PGGT1B: variants seen among roughly 807,000 people sequenced by gnomAD.
PGGT1B encodes the protein protein geranylgeranyltransferase type I subunit beta.
PGGT1B carries 30 observed loss-of-function variants against 46.1 expected under a neutral mutation model. That is an observed-to-expected ratio of 0.65 (90% CI 0.49 to 0.88). The LOEUF (loss-of-function observed/expected upper bound fraction) is 0.88. Among genes scored for constraint, PGGT1B ranks in the 40% least tolerant of loss-of-function variants. The pLI is 0.00. For synonymous variants in PGGT1B, 170 were observed against 160.0 expected, an observed-to-expected ratio of 1.06 and a Z score of -0.47; for missense variants, 376 against 455.9, an observed-to-expected ratio of 0.82 and a Z score of 1.60.
At chr5:115,229,352 T>C (rs1187260846) in intron 6 of PGGT1B, among the ~76,000 whole-genome samples, 1 of 152,046 alleles carries the variant, frequency 6.6e-6, no homozygotes, top group Non-Finnish European at 1.5e-5. Flanking sequence ...ACTGTGACAC[T>C]ATGATTAAAA....
chr5:115,252,369 T>C (rs1748139286), intron 2 of PGGT1B, among the ~76,000 whole-genome samples: 1 of 151,982 alleles, frequency 6.6e-6, no homozygotes, highest in Non-Finnish European at 1.5e-5. Context: ...TCTTTCTAAG[T>C]AAAGTTTTAG....
At position 115,227,907 on chromosome 5, in the gene PGGT1B, T is replaced by G. The variant is rs192666515; in HGVS notation, c.658+3069A>C. ...AATAAATACATTATTTTCCTCTTAG[T>G]CTGTAGATCAGGGATTATAAGTTGC... On this transcript the variant is annotated intron_variant, in intron 6 of 8. Coordinates refer to ENST00000419445, the MANE Select transcript of PGGT1B (RefSeq NM_005023.4). 2.0e-5 allele frequency among the ~76,000 whole-genome samples: 3 copies of G among 152,272 alleles called. No homozygotes were observed. The East Asian group carries it at 5.8e-4, about 29-fold the overall frequency.
In PGGT1B at chr5:115,239,941, T is replaced by G. The variant is rs532404522; in HGVS notation, c.327+1598A>C. Among the ~76,000 whole-genome samples the G allele has an allele frequency of 9.8e-4, 150 of 152,298 alleles. 2 individuals are homozygous for G. The highest frequency in any genetic ancestry group is 1.9e-3 in the Non-Finnish European group (131 of 68,012). ...GGTAAGTCAGTGAATGGTCCATAGG[T>G]AGTTTGGTGGCTTCAGAAGAAAACT... is the stretch of plus-strand genomic sequence containing the variant. On this transcript the variant is annotated intron_variant, in intron 3 of 8. Coordinates refer to ENST00000419445, the MANE Select transcript of PGGT1B (RefSeq NM_005023.4).
At chr5:115,230,953 T>C (rs1018728156) in intron 6 of PGGT1B, 23 bp downstream of exon 6, 20 of 1,465,066 alleles carry the variant, frequency 1.4e-5, no homozygotes, top group Non-Finnish European at 1.9e-5. Flanking sequence ...AAACTACATG[T>C]TCACTTATTT....
intron 2 of PGGT1B, among the ~76,000 whole-genome samples, chr5:115,243,629 C>A (rs1257731026): frequency 6.6e-6 from 1 of 152,190 alleles, no homozygotes; most frequent in South Asian, 2.1e-4. Context: ...AAAACACCTA[C>A]TGCCTTACTG....
chr5:115,213,341 G>A (rs888887452), intron 8 of PGGT1B, among the ~76,000 whole-genome samples: 1 of 152,120 alleles, frequency 6.6e-6, no homozygotes, highest in Admixed American at 6.5e-5. Context: ...GGCCATTCCT[G>A]CCTAGGAGTC....
intron 2 of PGGT1B, chr5:115,252,792 T>C (rs1246300557): frequency 6.1e-6 from 1 of 164,988 alleles, no homozygotes; most frequent in African/African-American, 2.4e-5. Flanking sequence ...AAGACAAGAA[T>C]TGTTGGGAAT....
At chr5:115,241,497 C>A (rs2127016180) in intron 3 of PGGT1B, 42 bp downstream of exon 3, 1 of 1,228,612 alleles carries the variant, frequency 8.1e-7, no homozygotes, top group Non-Finnish European at 1.1e-6. Flanking sequence ...TTAAAATATC[C>A]CTACATCCCT....
rs1215090418 is a variant in PGGT1B, at chr5:115,211,597, G to C, written c.*805C>G. ...AAAAAGATTGTTTTCTTCCTAGAAAGCAAAAAAAAAAAAAAAAAAAAAAAG... is the reference window on the plus strand; with the variant it reads ...AAAAAGATTGTTTTCTTCCTAGAAACCAAAAAAAAAAAAAAAAAAAAAAAG... On this transcript the variant is annotated 3_prime_UTR_variant, in exon 9 of 9. Coordinates refer to ENST00000419445, the MANE Select transcript of PGGT1B (RefSeq NM_005023.4). 1.4e-4 allele frequency: 2 copies of C among 14,464 alleles called. No homozygotes were observed. The highest frequency in any genetic ancestry group is 1.4e-4 in the Non-Finnish European group (1 of 7,340). 0.9% of individuals were successfully genotyped at this position (14,464 alleles called of 1,614,324 possible).
chr5:115,261,698 T>C (rs1303710880), intron 1 of PGGT1B, among the ~76,000 whole-genome samples: 1 of 152,158 alleles, frequency 6.6e-6, no homozygotes, highest in Admixed American at 6.5e-5. Flanking sequence ...AATAAACCAA[T>C]ACATACGTAA....
At chr5:115,250,034 T>C (rs1009162271) in intron 2 of PGGT1B, among the ~76,000 whole-genome samples, 5 of 152,190 alleles carry the variant, frequency 3.3e-5, no homozygotes, top group African/African-American at 1.2e-4. Flanking sequence ...TCTTTAACAA[T>C]TCTTTATAGT....
intron 2 of PGGT1B, among the ~76,000 whole-genome samples, chr5:115,250,459 C>A (rs1748043987): frequency 6.6e-6 from 1 of 152,138 alleles, no homozygotes; most frequent in African/African-American, 2.4e-5. Context: ...TCACTTGTCT[C>A]CCTTCCAGAG....
intron 4 of PGGT1B, among the ~76,000 whole-genome samples, chr5:115,237,527 C>CTAAA (rs763364792): frequency 6.6e-6 from 1 of 152,148 alleles, no homozygotes; most frequent in Non-Finnish European, 1.5e-5. Flanking sequence ...GAGGTCCAGA[C>CTAAA]TAAATGTATG....
chr5:115,262,856 C>G lies in PGGT1B; in HGVS notation c.-5G>C. 6.2e-7 allele frequency: 1 copy of G among 1,611,734 alleles called. No homozygotes were observed. The highest frequency in any genetic ancestry group is 8.5e-7 in the Non-Finnish European group (1 of 1,179,680). The stretch of plus-strand genomic sequence containing the variant: ...CTCATCCTCAGTGGCCGCCATGCTG[C>G]TCCGGAAGCGACGTCCGCCGCGACC... On this transcript the variant is annotated 5_prime_UTR_variant, in exon 1 of 9. Coordinates refer to ENST00000419445, the MANE Select transcript of PGGT1B (RefSeq NM_005023.4).
rs747006304 is a variant in PGGT1B at position 115,241,604 on chromosome 5, A to T, written c.262T>A (p.Ser88Thr). 2 of 1,605,004 alleles carry T rather than the reference A, an allele frequency of 1.2e-6. No individual in the cohort carries two copies. Among genetic ancestry groups the T allele is most frequent in the Non-Finnish European group, 1.7e-6 (2 of 1,174,780 alleles). ...SLQVLPTEDR[S>T]NLNRCGFRGS... ...CGGAAACCACAGCGATTTAGATTTG[A>T]TCCTAGAAAATAAAAGCATGTGCTT... The change falls in exon 3 of 9, where the codon TCA (serine) becomes ACA (threonine). Residue 88 changes from serine to threonine, a missense_variant and splice_region_variant. Coordinates refer to ENST00000419445, the MANE Select transcript of PGGT1B (RefSeq NM_005023.4).
intron 8 of PGGT1B, among the ~76,000 whole-genome samples, chr5:115,214,306 A>G (rs552396707): frequency 4.6e-4 from 70 of 152,180 alleles, no homozygotes; most frequent in Non-Finnish European, 9.3e-4. Context: ...GTGTTTTTAA[A>G]AAAACTCCTT....
rs1225519405 is a variant in PGGT1B at position 115,208,252 on chromosome 5, TG to T, written c.*4149del. The T allele has an allele frequency of 3.9e-5, 6 of 152,038 alleles. No individual in the cohort carries two copies. Among genetic ancestry groups the T allele is most frequent in the Admixed American group, 1.3e-4 (2 of 15,240 alleles). 9.4% of individuals were successfully genotyped at this position (152,038 alleles called of 1,614,324 possible). On this transcript the variant is annotated 3_prime_UTR_variant, in exon 9 of 9. Transcript: ENST00000419445. The stretch of plus-strand genomic sequence containing the variant: ...ATGAATTCAGGAGTTTTTCTTTATT[TG>T]TTTTTTTTCTTTTTTTGGCACTTTG...
chr5:115,225,939 T>C (rs1001384198), intron 6 of PGGT1B, among the ~76,000 whole-genome samples: 3 of 152,040 alleles, frequency 2.0e-5, no homozygotes, highest in African/African-American at 7.2e-5. Context: ...AGAGCCACCA[T>C]GCCCGGCCAA....
chr5:115,255,839 A>G (rs1748287090), intron 1 of PGGT1B, among the ~76,000 whole-genome samples: 1 of 152,210 alleles, frequency 6.6e-6, no homozygotes, highest in African/African-American at 2.4e-5. Context: ...TAGACAATCA[A>G]AACTACTCAA....
Sources: gnomAD v4.1 joint callset for allele counts (sites outside exome capture counted in the v4.1 genomes callset) on GRCh38, gnomAD v4.1.1 for gene constraint, MANE v1.5 for transcripts, NCBI Gene and HGNC (gene_info 2026-07-23, HGNC 2026-07-21) for gene names.